FAM184A: variants seen among roughly 807,000 people sequenced by gnomAD.
FAM184A encodes protein FAM184A.
In FAM184A, 99 loss-of-function variants were observed where a neutral mutation model predicts 143.8. That is an observed-to-expected ratio of 0.69 (90% CI 0.58 to 0.81). The LOEUF is 0.81. FAM184A is among the 40% of genes least tolerant of loss of function. The pLI, the probability that FAM184A is intolerant of heterozygous loss-of-function variation, is 0.00. For synonymous variants in FAM184A, 427 were observed against 446.4 expected (o/e 0.96, Z 0.55); for missense variants, 1,217 against 1,310.5 (o/e 0.93, Z 1.10).
At chr6:119,079,898 CCCT>C (rs780403034), upstream of FAM184A, among the ~76,000 whole-genome samples, 1 of 152,164 alleles carries the variant, frequency 6.6e-6, no homozygotes, top group Non-Finnish European at 1.5e-5. Flanking sequence ...TACTCAGTCC[CCCT>C]TAAATAGACC....
intron 17 of FAM184A, 80 bp downstream of exon 17, chr6:118,961,678 AAGT>A (rs1265137221): frequency 4.9e-5 from 54 of 1,105,572 alleles, no homozygotes; most frequent in Non-Finnish European, 7.1e-5. Context: ...GTTGTTCTTA[AAGT>A]AGTGATTTCT....
rs79080044 is a variant in FAM184A, at chr6:119,019,783, A to G, written c.1332+195T>C. Reference sequence around the variant, plus strand: ...TTATATTATATAGATTGTTACCCACATATTTTGAACATACATACAGCATAG... The same window carrying G: ...TTATATTATATAGATTGTTACCCACGTATTTTGAACATACATACAGCATAG... On this transcript the variant is annotated intron_variant, in intron 4 of 17. Coordinates refer to ENST00000338891, the MANE Select transcript of FAM184A (RefSeq NM_024581.6). Among the ~76,000 whole-genome samples the G allele has an allele frequency of 8.5e-3, 1,292 of 152,374 alleles. 28 individuals are homozygous for G. Among genetic ancestry groups the G allele is most frequent in the African/African-American group, 0.03 (1,248 of 41,594 alleles).
At chr6:119,082,990 T>A (rs1423808831), upstream of FAM184A, among the ~76,000 whole-genome samples, 1 of 152,226 alleles carries the variant, frequency 6.6e-6, no homozygotes, top group Non-Finnish European at 1.5e-5. Context: ...TCCAGATGTT[T>A]CTATACATCC....
At chr6:119,067,136 T>C (rs1338834970) in intron 1 of FAM184A, among the ~76,000 whole-genome samples, 1 of 152,224 alleles carries the variant, frequency 6.6e-6, no homozygotes, top group Non-Finnish European at 1.5e-5. Flanking sequence ...ATCTTGAAGA[T>C]TACAATTAAC....
chr6:119,023,052 T>C lies in FAM184A; in HGVS notation c.1043A>G (p.Lys348Arg). 6.2e-7 allele frequency: 1 copy of C among 1,614,168 alleles called. No homozygotes were observed. The highest frequency in any genetic ancestry group is 8.5e-7 in the Non-Finnish European group (1 of 1,180,022). The change falls in exon 3 of 18, where the codon AAG becomes AGG. Residue 348 changes from lysine to arginine, a missense_variant. Transcript: ENST00000338891. ...QVLQKQLDDA[K>R]EGEMALLSKH... The stretch of plus-strand genomic sequence containing the variant: ...GCTTAATAGGGCCATTTCTCCCTCC[T>C]TGGCATCATCAAGCTGTTTTTGAAG...
intron 1 of FAM184A, among the ~76,000 whole-genome samples, chr6:119,086,297 C>T (rs1266864489): frequency 6.6e-6 from 1 of 152,182 alleles, no homozygotes; most frequent in Non-Finnish European, 1.5e-5. Flanking sequence ...GTAGTCTCTT[C>T]AGGGCAGTAG....
intron 1 of FAM184A, chr6:119,068,933 G>T (rs1787576429): frequency 4.4e-6 from 1 of 228,742 alleles, no homozygotes; most frequent in Non-Finnish European, 1.0e-5. Flanking sequence ...ATTTGCCCAT[G>T]ATTACACATC....
intron 1 of FAM184A, among the ~76,000 whole-genome samples, chr6:119,041,129 T>C (rs1004770728): frequency 2.6e-5 from 4 of 152,040 alleles, no homozygotes; most frequent in African/African-American, 7.3e-5. Context: ...GAAATAAGCT[T>C]CTAAGAAAAG....
intron 9 of FAM184A, among the ~76,000 whole-genome samples, chr6:119,001,943 T>A (rs1784771294): frequency 6.6e-6 from 1 of 152,290 alleles, no homozygotes; most frequent in South Asian, 2.1e-4. Flanking sequence ...TTGTTCTTTT[T>A]TTTGTCTGAG....
At chr6:119,098,289 C>T (rs1788560308) in intron 1 of FAM184A, among the ~76,000 whole-genome samples, 1 of 152,206 alleles carries the variant, frequency 6.6e-6, no homozygotes, top group South Asian at 2.1e-4. Flanking sequence ...CCACGTGGAA[C>T]TGTGAGTCCA....
At chr6:119,048,418 TAGAA>T (rs977594442) in intron 1 of FAM184A, among the ~76,000 whole-genome samples, 18 of 152,106 alleles carry the variant, frequency 1.2e-4, no homozygotes, top group African/African-American at 3.9e-4. Context: ...GGCATCCAAA[TAGAA>T]AGAGAAGAAG....
At chr6:119,147,891 C>T (rs1772505285) in intron 1 of FAM184A, among the ~76,000 whole-genome samples, 1 of 152,242 alleles carries the variant, frequency 6.6e-6, no homozygotes, top group Admixed American at 6.5e-5. Context: ...TCAGGGCACA[C>T]CTCAAGACTT....
At chr6:119,038,654 G>C (rs893871215) in intron 1 of FAM184A, among the ~76,000 whole-genome samples, 1 of 152,098 alleles carries the variant, frequency 6.6e-6, no homozygotes. Context: ...CATAAAAATG[G>C]GCAACCAGCA....
rs115444130 is a variant in FAM184A, at chr6:118,994,368, G to C, written c.2088+8531C>G. On this transcript the variant is annotated intron_variant, in intron 9 of 17. Transcript: ENST00000338891. ...AAATAAATAAATATGGAGGTGATGTGGGCCAAGATTAGAGCCACTTAAAAA... is the reference window on the plus strand; with the variant it reads ...AAATAAATAAATATGGAGGTGATGTCGGCCAAGATTAGAGCCACTTAAAAA... Among the ~76,000 whole-genome samples, 1,046 of 151,970 alleles carry C rather than the reference G, an allele frequency of 6.9e-3. 13 individuals carry two copies. Among genetic ancestry groups the C allele is most frequent in the African/African-American group, 0.025 (1,017 of 41,464 alleles).
intron 1 of FAM184A, among the ~76,000 whole-genome samples, chr6:119,092,970 G>A (rs1349544987): frequency 6.6e-6 from 1 of 152,108 alleles, no homozygotes; most frequent in Non-Finnish European, 1.5e-5. Context: ...GCAAAACCCT[G>A]GTTACCCCTA....
chr6:119,032,776 G>A lies in FAM184A; in HGVS notation c.160-7963C>T, dbSNP rs1042397984. ...ACCAAGTTAATAAAAGAGTAATCTC[G>A]GATTCAGTAATTGTTTAAAAATAGA... On this transcript the variant is annotated intron_variant, in intron 1 of 17. Coordinates refer to ENST00000338891, the MANE Select transcript of FAM184A (RefSeq NM_024581.6). 4.6e-5 allele frequency among the ~76,000 whole-genome samples: 7 copies of A among 152,088 alleles called. No homozygotes were observed. The East Asian group carries it at 9.6e-4, about 21-fold the overall frequency.
At chr6:119,128,887 G>GT (rs56356208) in intron 1 of FAM184A, among the ~76,000 whole-genome samples, 151 of 150,132 alleles carry the variant, frequency 1.0e-3, no homozygotes, top group African/African-American at 3.3e-3. Flanking sequence ...TCCCTTACTA[G>GT]TTTTTTTTTT....
In FAM184A at chr6:119,020,053, CTCT is replaced by C; in HGVS notation, c.1254_1256del (p.Glu420del). 6.2e-7 allele frequency: 1 copy of C among 1,607,584 alleles called. No individual in the cohort carries two copies. Among genetic ancestry groups the C allele is most frequent in the South Asian group, 1.1e-5 (1 of 89,456 alleles). The stretch of plus-strand genomic sequence containing the variant: ...TTTTGCTTCGCAAAAAAGCTCTTTC[CTCT>C]TCAAGTTGAGATAATCTCTCATTGA... On this transcript the variant is annotated inframe_deletion, in exon 4 of 18. Transcript: ENST00000338891.
chr6:119,084,874 G>C (rs1788174481), intron 1 of FAM184A, among the ~76,000 whole-genome samples: 1 of 152,216 alleles, frequency 6.6e-6, no homozygotes, highest in African/African-American at 2.4e-5. Context: ...ACCCTCTGAA[G>C]CAACAGCCCA....
Sources: allele counts gnomAD v4.1 joint callset (sites outside exome capture counted in the v4.1 genomes callset), GRCh38; gene constraint gnomAD v4.1.1; transcripts MANE v1.5; gene names NCBI Gene and HGNC (gene_info 2026-07-23, HGNC 2026-07-21).